Variants in BPIFB3 observed in about 807,000 individuals in gnomAD.
The protein encoded by BPIFB3 is BPI fold containing family B member 3, also known as BPI fold-containing family B member 3.
Under a neutral mutation model 53.1 loss-of-function variants are expected in BPIFB3, and 49 were observed. The ratio of observed to expected loss-of-function variants is 0.92; its 90% CI spans 0.73 to 1.17. The LOEUF (loss-of-function observed/expected upper bound fraction) is 1.17. Ranked by LOEUF, BPIFB3 falls within the 50% of genes most tolerant of loss-of-function variation. The pLI, the probability that BPIFB3 is intolerant of heterozygous loss-of-function variation, is 0.00. For missense variants in BPIFB3, 628 were observed against 592.5 expected, an observed-to-expected ratio of 1.06 and a Z score of -0.62; for synonymous variants, 271 against 269.6, an observed-to-expected ratio of 1.01 and a Z score of -0.05.
chr20:33,068,730 T>G (rs2146390476), intron 9 of BPIFB3, 73 bp from the exon 11 acceptor site: 2 of 1,485,234 alleles, frequency 1.3e-6, no homozygotes, highest in East Asian at 2.3e-5. Context: ...GGTAGGTGCT[T>G]AGTGAGTGTT....
exon 4 of BPIFB3, chr20:33,059,999 C>T (rs753721947): frequency 1.9e-6 from 3 of 1,614,152 alleles, no homozygotes; most frequent in Non-Finnish European, 1.7e-6. Flanking sequence ...AGCGCTGCAG[C>T]ACGCTCCTGG....
chr20:33,065,447 G>C (rs1980629541), intron 8 of BPIFB3, among the ~76,000 whole-genome samples: 1 of 151,966 alleles, frequency 6.6e-6, no homozygotes, highest in Non-Finnish European at 1.5e-5. Flanking sequence ...GGAGGTCAAG[G>C]CTGAAGTGAG....
chr20:33,072,933 C>CA, intron 14 of BPIFB3, 140 bp downstream of exon 15: 1 of 744,516 alleles, frequency 1.3e-6, no homozygotes. Context: ...CAGTGAGTTA[C>CA]AAATTGCCTA....
rs755158998 is a variant in BPIFB3, at chr20:33,061,837, T to C, written c.591+6T>C. ...TCAAGGTGCTTCCGGGACTGGTGAG[T>C]GTGCGGGCCGTGTGCCAGCATGCCC... On this transcript the variant is annotated splice_donor_region_variant and intron_variant, in intron 5 of 14. Transcript: ENST00000375494. 6.2e-7 allele frequency: 1 copy of C among 1,614,074 alleles called. No individual in the cohort carries two copies. The highest frequency in any genetic ancestry group is 1.1e-5 in the South Asian group (1 of 91,070).
At chr20:33,059,416 T>A in exon 3 of BPIFB3, 1 of 1,613,026 alleles carries the variant, frequency 6.2e-7, no homozygotes, top group South Asian at 1.1e-5. Flanking sequence ...AAGGTGTTGC[T>A]GAAGCTGCTG....
intron 13 of BPIFB3, 58 bp downstream of exon 14, chr20:33,072,225 T>C (rs1980935495): frequency 1.3e-6 from 2 of 1,546,006 alleles, no homozygotes; most frequent in South Asian, 2.2e-5. Flanking sequence ...TATTGTCTAG[T>C]CTGTTGCCTC....
At chr20:33,067,066 G>A (rs531859224) in intron 9 of BPIFB3, among the ~76,000 whole-genome samples, 189 bp downstream of exon 10, 1 of 152,360 alleles carries the variant, frequency 6.6e-6, no homozygotes, top group East Asian at 1.9e-4. Flanking sequence ...AGAGAGTAAA[G>A]GATTAGGGCT....
At chr20:33,055,532 G>A in exon 1 of BPIFB3, 2 of 1,613,658 alleles carry the variant, frequency 1.2e-6, no homozygotes, top group Non-Finnish European at 1.7e-6. Flanking sequence ...GATTGACAAG[G>A]ATGAACTCGG....
intron 2 of BPIFB3, among the ~76,000 whole-genome samples, chr20:33,056,935 T>A (rs1980234837): frequency 6.6e-6 from 1 of 152,180 alleles, no homozygotes; most frequent in African/African-American, 2.4e-5. Flanking sequence ...TGTTTGACCT[T>A]GGGGAAGTTG....
chr20:33,072,575 G>A (rs2146394771), intron 13 of BPIFB3, 142 bp from the exon 15 acceptor site: 1 of 709,258 alleles, frequency 1.4e-6, no homozygotes, highest in Middle Eastern at 2.6e-4. Context: ...GTAGGAGTTT[G>A]CCAATAAGAA....
At chr20:33,070,203 C>T (rs1980828751) in intron 11 of BPIFB3, among the ~76,000 whole-genome samples, 1 of 152,176 alleles carries the variant, frequency 6.6e-6, no homozygotes, top group African/African-American at 2.4e-5. Context: ...CTGCTGAAAA[C>T]CTGCCTCTGA....
intron 3 of BPIFB3, 107 bp downstream of exon 4, chr20:33,059,589 C>A: frequency 1.2e-6 from 1 of 830,128 alleles, no homozygotes; most frequent in Non-Finnish European, 2.0e-6. Flanking sequence ...CTGTATCCCC[C>A]ATTTCCTTTC....
chr20:33,055,341 G>A (rs1980143461), upstream of BPIFB3: 2 of 1,572,056 alleles, frequency 1.3e-6, no homozygotes, highest in Admixed American at 1.7e-5. Context: ...GCAGGAAGGG[G>A]GAAGGCTGAT....
intron 11 of BPIFB3, among the ~76,000 whole-genome samples, chr20:33,070,328 C>T (rs945881975): frequency 6.6e-6 from 1 of 152,202 alleles, no homozygotes; most frequent in Non-Finnish European, 1.5e-5. Flanking sequence ...TTTATGTGGA[C>T]TTGTTACTTG....
At chr20:33,071,448 C>CGG (rs1346444018) in intron 12 of BPIFB3, among the ~76,000 whole-genome samples, 153 bp downstream of exon 13, 2 of 151,610 alleles carry the variant, frequency 1.3e-5, no homozygotes, top group Non-Finnish European at 2.9e-5. Flanking sequence ...AATATCAGGG[C>CGG]GGGTGTGCGT....
At chr20:33,054,555 C>T (rs759285795), upstream of BPIFB3, among the ~76,000 whole-genome samples, 2 of 152,136 alleles carry the variant, frequency 1.3e-5, no homozygotes, top group Non-Finnish European at 2.9e-5. Flanking sequence ...CAGGGAGGAG[C>T]CTTCCTAACA....
rs1980587102 is a variant in BPIFB3 at position 33,064,523 on chromosome 20, A to G, written c.719A>G (p.Asn240Ser). 3 of 1,613,950 alleles carry G rather than the reference A, an allele frequency of 1.9e-6. No homozygotes were observed. In the East Asian group the frequency reaches 6.7e-5, roughly 36 times the overall value. The change falls in exon 7 of 15, where the codon AAC becomes AGC. Residue 240 changes from asparagine (N) to serine (S), a missense_variant. Coordinates refer to ENST00000375494, the Ensembl canonical transcript of BPIFB3. ...CTGGCCACATTGCCTCTCATCTCCA[A>G]CCAGTACATAGAACTGGACATCAAC...
At chr20:33,054,707 G>A (rs1286824574), upstream of BPIFB3, among the ~76,000 whole-genome samples, 2 of 152,172 alleles carry the variant, frequency 1.3e-5, no homozygotes, top group African/African-American at 4.8e-5. Context: ...AGCCACTGAA[G>A]GGTTTAAGCA....
At chr20:33,055,696 A>C in intron 1 of BPIFB3, 149 bp downstream of exon 2, 2 of 1,208,550 alleles carry the variant, frequency 1.7e-6, no homozygotes, top group Non-Finnish European at 2.3e-6. Flanking sequence ...GTAGCTGTGC[A>C]GGAGTGAAAG....
Sources: allele counts gnomAD v4.1 joint callset (sites outside exome capture counted in the v4.1 genomes callset), GRCh38; gene constraint gnomAD v4.1.1; transcripts MANE v1.5; gene names NCBI Gene and HGNC (gene_info 2026-07-23, HGNC 2026-07-21).